The following NBAS variants were observed in gnomAD, a reference collection of about 807,000 sequenced individuals.
The protein encoded by NBAS is NBAS subunit of NRZ tethering complex, also known as NAG/BC035112 fusion.
In NBAS, 219 loss-of-function variants were observed where a neutral mutation model predicts 302.5. The observed-to-expected ratio is 0.72, with a 90% CI of 0.65 to 0.81. The LOEUF (loss-of-function observed/expected upper bound fraction) is 0.81, where lower values mean the gene tolerates loss of function less well. Among genes scored for constraint, NBAS ranks in the 30% least tolerant of loss-of-function variants. The pLI is 0.00. For synonymous variants in NBAS, 1,118 were observed against 1,021.6 expected (o/e 1.09, Z -1.80); for missense variants, 2,932 against 2,841.6 (o/e 1.03, Z -0.72).
chr2:14,942,529 T>A, the NBAS span, among the ~76,000 whole-genome samples: 2 of 152,334 alleles, frequency 1.3e-5, no homozygotes, highest in South Asian at 4.1e-4. Flanking sequence ...TAAGCAGATG[T>A]CAACATCATA....
At chr2:15,046,740 C>A in the NBAS span, among the ~76,000 whole-genome samples, 1 of 152,170 alleles carries the variant, frequency 6.6e-6, no homozygotes, top group South Asian at 2.1e-4. Flanking sequence ...CAACTGCATA[C>A]TAACTAGAGT....
chr2:15,262,881 C>A (rs186681178), intron 44 of NBAS, among the ~76,000 whole-genome samples: 23 of 152,238 alleles, frequency 1.5e-4, no homozygotes, highest in Non-Finnish European at 2.9e-4. Context: ...AGGAACTCTG[C>A]GAGGTGATTC....
intron 44 of NBAS, among the ~76,000 whole-genome samples, chr2:15,241,608 G>C (rs531099365): frequency 6.6e-6 from 1 of 152,194 alleles, no homozygotes; most frequent in Admixed American, 6.5e-5. Flanking sequence ...AATGACCCCT[G>C]CTGCACAACT....
At chr2:15,371,740 T>C (rs886918170) in intron 31 of NBAS, among the ~76,000 whole-genome samples, 1 of 151,960 alleles carries the variant, frequency 6.6e-6, no homozygotes, top group African/African-American at 2.4e-5. Context: ...GTAGGGTAAG[T>C]GCCTAAATTT....
At chr2:15,227,759 T>C (rs969019342) in intron 47 of NBAS, among the ~76,000 whole-genome samples, 1 of 152,146 alleles carries the variant, frequency 6.6e-6, no homozygotes, top group Non-Finnish European at 1.5e-5. Context: ...CAATAAATGG[T>C]GCTGAGAAAA....
intron 35 of NBAS, among the ~76,000 whole-genome samples, chr2:15,350,991 T>C (rs1489871016): frequency 1.3e-5 from 2 of 152,230 alleles, no homozygotes; most frequent in African/African-American, 2.4e-5. Flanking sequence ...GCTACATATA[T>C]GCCTGAGAGA....
At chr2:15,019,093 C>G in the NBAS span, among the ~76,000 whole-genome samples, 2 of 152,148 alleles carry the variant, frequency 1.3e-5, no homozygotes, top group African/African-American at 2.4e-5. Context: ...ATTAATATAT[C>G]AAGCCATGTC....
intron 47 of NBAS, 38 bp from the exon 48 acceptor site, chr2:15,219,006 A>C (rs1666792178): frequency 6.2e-7 from 1 of 1,610,564 alleles, no homozygotes; most frequent in African/African-American, 1.3e-5. Context: ...TAAACTCCTA[A>C]GCCTTTTATT....
the NBAS span, among the ~76,000 whole-genome samples, chr2:14,819,520 A>G: frequency 6.6e-6 from 1 of 152,256 alleles, no homozygotes; most frequent in African/African-American, 2.4e-5. Flanking sequence ...GCTTTTGTAT[A>G]GATCATGGAA....
At chr2:15,258,592 G>A (rs750275533) in intron 44 of NBAS, among the ~76,000 whole-genome samples, 1 of 152,036 alleles carries the variant, frequency 6.6e-6, no homozygotes, top group Non-Finnish European at 1.5e-5. Flanking sequence ...ACTGAAATAC[G>A]CCCTGGTCTC....
chr2:15,489,787 G>A lies in NBAS; in HGVS notation c.955-765C>T, dbSNP rs572378692. 2.0e-5 allele frequency among the ~76,000 whole-genome samples: 3 copies of A among 152,212 alleles called. 1 individual carries two copies. The South Asian group carries it at 6.2e-4, about 32-fold the overall frequency. ...CAAACCATATGAGCAGAAATCATAT[G>A]AGCAGAGACATCACCTGCCACCACC... On this transcript the variant is annotated intron_variant, in intron 11 of 51. Transcript: ENST00000281513.
At chr2:15,142,204 C>G in the NBAS span, among the ~76,000 whole-genome samples, 2 of 151,950 alleles carry the variant, frequency 1.3e-5, 1 homozygote. Context: ...TGCAAATGCA[C>G]GAAAAATGAG....
chr2:15,440,684 G>T (rs1228647769), intron 21 of NBAS, among the ~76,000 whole-genome samples: 1 of 152,214 alleles, frequency 6.6e-6, no homozygotes, highest in African/African-American at 2.4e-5. Flanking sequence ...GTTGAGAGAA[G>T]GCTTCAGATG....
chr2:14,794,664 G>A, the NBAS span, among the ~76,000 whole-genome samples: 1 of 152,054 alleles, frequency 6.6e-6, no homozygotes, highest in Non-Finnish European at 1.5e-5. Context: ...TTTAACGTAT[G>A]TATACTCTTG....
the NBAS span, among the ~76,000 whole-genome samples, chr2:15,089,771 C>G: frequency 1.9e-5 from 2 of 103,428 alleles, no homozygotes; most frequent in South Asian, 6.3e-4. Context: ...TTTTTTGAGA[C>G]AGAGTCTCGC....
At chr2:15,261,075 A>ATT (rs1668830612) in intron 44 of NBAS, among the ~76,000 whole-genome samples, 1 of 152,234 alleles carries the variant, frequency 6.6e-6, no homozygotes, top group South Asian at 2.1e-4. Flanking sequence ...TGCAGGAGCC[A>ATT]GCAAACATTG....
the NBAS span, among the ~76,000 whole-genome samples, chr2:14,824,291 T>C: frequency 6.6e-6 from 1 of 152,046 alleles, no homozygotes; most frequent in Non-Finnish European, 1.5e-5. Context: ...GAGGTTACAA[T>C]TGATTGAGAA....
At chr2:15,536,588 A>C in intron 7 of NBAS, 37 bp from the exon 8 acceptor site, 2 of 1,557,910 alleles carry the variant, frequency 1.3e-6, no homozygotes, top group East Asian at 4.5e-5. Flanking sequence ...CTAAAAAAAA[A>C]AAAACTAGAT....
At chr2:15,360,798 G>A (rs72776677) in intron 32 of NBAS, among the ~76,000 whole-genome samples, 1 of 151,820 alleles carries the variant, frequency 6.6e-6, no homozygotes, top group East Asian at 1.9e-4. Context: ...GAAGGCCTTC[G>A]GGCCATAACA....
Sources: allele counts gnomAD v4.1 joint callset (sites outside exome capture counted in the v4.1 genomes callset), GRCh38; gene constraint gnomAD v4.1.1; transcripts MANE v1.5; gene names NCBI Gene and HGNC (gene_info 2026-07-23, HGNC 2026-07-21).